Variants in GALNS observed in about 807,000 individuals in gnomAD.
GALNS encodes galactosamine (N-acetyl)-6-sulfatase.
Under a neutral mutation model 65.9 loss-of-function variants are expected in GALNS, and 65 were observed. The ratio of observed to expected loss-of-function variants is 0.99; its 90% CI spans 0.81 to 1.21. The LOEUF is 1.21. GALNS is among the 50% of genes most tolerant of loss of function. The pLI is 0.00. For synonymous variants in GALNS, 346 were observed against 288.9 expected, an observed-to-expected ratio of 1.20 and a Z score of -2.00; for missense variants, 776 against 700.7, an observed-to-expected ratio of 1.11 and a Z score of -1.21.
At chr16:88,832,208 G>T in intron 8 of GALNS, 107 bp from the exon 9 acceptor site, 1 of 1,006,210 alleles carries the variant, frequency 9.9e-7, no homozygotes. Context: ...AAAGGGCCCG[G>T]CCAAGGCACT....
intron 4 of GALNS, among the ~76,000 whole-genome samples, chr16:88,839,582 A>C (rs1219800738): frequency 6.6e-6 from 1 of 152,210 alleles, no homozygotes; most frequent in East Asian, 1.9e-4. Flanking sequence ...GGGAAGTCTG[A>C]GTCATGGCTG....
chr16:88,841,786 G>T (rs1966984026), intron 3 of GALNS, 111 bp downstream of exon 3: 1 of 947,572 alleles, frequency 1.1e-6, no homozygotes, highest in Non-Finnish European at 1.7e-6. Flanking sequence ...GGCACCAGCG[G>T]TACCCCACCT....
intron 1 of GALNS, among the ~76,000 whole-genome samples, chr16:88,846,865 C>T (rs561761925): frequency 3.3e-5 from 5 of 151,984 alleles, no homozygotes; most frequent in Admixed American, 6.6e-5. Context: ...TTTAAGCTCC[C>T]GACCCCCGTG....
rs144765523 is a variant in GALNS, at chr16:88,822,044, G to T, written c.1364+545C>A. ...TCTCCAGCCAAGTGTTGGGGCCTCTGTGTCGCCCCTAAGGAGCTGCCAGCA... is the reference window on the plus strand; with the variant it reads ...TCTCCAGCCAAGTGTTGGGGCCTCTTTGTCGCCCCTAAGGAGCTGCCAGCA... On this transcript the variant is annotated intron_variant, in intron 12 of 13. Coordinates refer to ENST00000268695, the MANE Select transcript of GALNS (RefSeq NM_000512.5). 3.3e-3 allele frequency among the ~76,000 whole-genome samples: 505 copies of T among 152,270 alleles called. 1 individual carries two copies. Among genetic ancestry groups the T allele is most frequent in the Non-Finnish European group, 5.7e-3 (386 of 68,000 alleles).
intron 13 of GALNS, chr16:88,816,508 C>CGGGGGGGG: frequency 1.0e-6 from 1 of 983,270 alleles, no homozygotes; most frequent in Non-Finnish European, 1.2e-6. Flanking sequence ...TGAAACTTGC[C>CGGGGGGGG]AGGCACCCCC....
At chr16:88,839,875 A>G (rs1966886182) in intron 4 of GALNS, among the ~76,000 whole-genome samples, 1 of 152,248 alleles carries the variant, frequency 6.6e-6, no homozygotes, top group African/African-American at 2.4e-5. Context: ...GCTGGGCCCA[A>G]GACAGAGCTG....
chr16:88,856,258 G>A (rs1181670005), intron 1 of GALNS: 1 of 703,060 alleles, frequency 1.4e-6, no homozygotes, highest in Admixed American at 2.0e-5. Context: ...TAAGACTGGA[G>A]CCCAGCGGGG....
intron 2 of GALNS, chr16:88,842,435 C>T (rs553791010): frequency 2.9e-5 from 16 of 556,658 alleles, no homozygotes; most frequent in South Asian, 1.9e-4. Context: ...TCTCCCCAGG[C>T]GGCCACAGCA....
At chr16:88,839,788 G>A (rs909336401) in intron 4 of GALNS, among the ~76,000 whole-genome samples, 4 of 152,204 alleles carry the variant, frequency 2.6e-5, no homozygotes, top group Non-Finnish European at 5.9e-5. Flanking sequence ...AGCTGTTCAG[G>A]AGCCTCGAGG....
chr16:88,825,846 C>T (rs1910836529), intron 10 of GALNS, among the ~76,000 whole-genome samples: 1 of 152,154 alleles, frequency 6.6e-6, no homozygotes, highest in Non-Finnish European at 1.5e-5. Context: ...GTGAGCAAAA[C>T]TCCCTCTACC....
intron 9 of GALNS, 153 bp from the exon 10 acceptor site, chr16:88,826,991 C>T: frequency 1.1e-6 from 1 of 932,730 alleles, no homozygotes; most frequent in Non-Finnish European, 1.7e-6. Flanking sequence ...TGAGCGGGGT[C>T]ACAAGGCCTG....
chr16:88,842,666 G>A, intron 2 of GALNS, 40 bp downstream of exon 2: 2 of 1,608,308 alleles, frequency 1.2e-6, no homozygotes, highest in Non-Finnish European at 1.7e-6. Flanking sequence ...CGGCCTGTTG[G>A]GCTCACCCCT....
At chr16:88,815,494 C>G in intron 13 of GALNS, 2 of 985,494 alleles carry the variant, frequency 2.0e-6, no homozygotes, top group Non-Finnish European at 2.4e-6. Context: ...CACAGTGCAG[C>G]CTTGCTTAGC....
At chr16:88,822,356 G>A (rs898294365) in intron 12 of GALNS, among the ~76,000 whole-genome samples, 5 of 152,216 alleles carry the variant, frequency 3.3e-5, no homozygotes, top group African/African-American at 1.2e-4. Context: ...CTGGGGGCCA[G>A]GTGGATGGTG....
chr16:88,814,212 G>C lies in GALNS; in HGVS notation c.*227C>G, dbSNP rs998635923. The C allele has an allele frequency of 1.6e-6, 1 of 616,980 alleles. No individual in the cohort carries two copies. The highest frequency in any genetic ancestry group is 2.9e-6 in the Non-Finnish European group (1 of 348,444). The allele number at this position is 616,980 out of a possible 1,614,324, so 38.2% of individuals were successfully genotyped here. The stretch of plus-strand genomic sequence containing the variant: ...TCCTGAGGTCTGAGGCGCCGTGGGC[G>C]AGGAGGAGGGTCCTGAAATCTGAGG... On this transcript the variant is annotated 3_prime_UTR_variant, in exon 14 of 14. Transcript: ENST00000268695.
rs1555521205 is a variant in GALNS at position 88,833,454 on chromosome 16, C to CCT, written c.899-1354_899-1353insAG. On this transcript the variant is annotated intron_variant, in intron 8 of 13. Coordinates refer to ENST00000268695, the MANE Select transcript of GALNS (RefSeq NM_000512.5). ...TTTCTTTCCTTCTCTCTCCCATCCC[C>CCT]TTTTTTTTTTTTTTTGACATGGAGT... 1.3e-3 allele frequency among the ~76,000 whole-genome samples: 178 copies of CCT among 141,156 alleles called. 3 individuals carry two copies. The highest frequency in any genetic ancestry group is 3.6e-3 in the Middle Eastern group (1 of 274). The allele number at this position is 141,156 out of a possible 152,430, so 92.6% of individuals were successfully genotyped here. A position where few individuals can be genotyped will look rare whatever the true frequency, so the allele number is the denominator to read the frequency against.
At chr16:88,820,877 C>T (rs1910139248) in intron 12 of GALNS, among the ~76,000 whole-genome samples, 1 of 152,166 alleles carries the variant, frequency 6.6e-6, no homozygotes, top group Non-Finnish European at 1.5e-5. Context: ...TGGCCAGCAG[C>T]TTGTTCTGTG....
Position 88,841,912 on chromosome 16 carries a change from C to A in GALNS, c.304G>T (p.Ala102Ser). 1 of 1,613,330 alleles carries A rather than the reference C, an allele frequency of 6.2e-7. No homozygotes were observed. Among genetic ancestry groups the A allele is most frequent in the Non-Finnish European group, 8.5e-7 (1 of 1,179,710 alleles). The change falls in exon 3 of 14, where the codon GCC becomes TCC. Residue 102 changes from alanine (A) to serine (S), a missense_variant. Transcript: ENST00000268695. ...PIRNGFYTTN[A>S]HARNAYTPQE... Reference sequence around the variant, plus strand: ...GGCAGCCTACCGTTTCTGGCATGGGCGTTGGTGGTGTAGAAGCCATTGCGG... The same window carrying A: ...GGCAGCCTACCGTTTCTGGCATGGGAGTTGGTGGTGTAGAAGCCATTGCGG...
intron 1 of GALNS, chr16:88,855,544 G>A (rs1297247126): frequency 5.7e-6 from 4 of 701,032 alleles, no homozygotes; most frequent in Non-Finnish European, 1.0e-5. Flanking sequence ...TAAGACATAT[G>A]AGATGGAAAA....
Sources: gnomAD v4.1 joint callset for allele counts (sites outside exome capture counted in the v4.1 genomes callset) on GRCh38, gnomAD v4.1.1 for gene constraint, MANE v1.5 for transcripts, NCBI Gene and HGNC (gene_info 2026-07-23, HGNC 2026-07-21) for gene names.